Variants in PITRM1 observed in about 807,000 individuals in gnomAD.
PITRM1 encodes pitrilysin metallopeptidase 1.
Under a neutral mutation model 129.9 loss-of-function variants are expected in PITRM1, and 100 were observed. The observed-to-expected ratio is 0.77, with a 90% CI of 0.65 to 0.91. The LOEUF is 0.91. Among genes scored for constraint, PITRM1 ranks in the 40% least tolerant of loss-of-function variants. The probability of loss-of-function intolerance (pLI) is 0.00; values close to 1 mark genes in which losing one functional copy is unlikely to be tolerated. For missense variants in PITRM1, 1,471 were observed against 1,318.3 expected (o/e 1.12, Z -1.79); for synonymous variants, 591 against 508.8 (o/e 1.16, Z -2.17).
intron 7 of PITRM1, among the ~76,000 whole-genome samples, chr10:3,162,084 G>GGAGGCT (rs1842488159): frequency 6.6e-6 from 1 of 150,702 alleles, no homozygotes; most frequent in Non-Finnish European, 1.5e-5. Flanking sequence ...AGGTGGCCCA[G>GGAGGCT]GAGGCTGAGG....
At chr10:3,146,626 A>G (rs2132389305) in intron 20 of PITRM1, 1 of 152,756 alleles carries the variant, frequency 6.5e-6, no homozygotes, top group East Asian at 1.9e-4. Flanking sequence ...CTCTGTGTGA[A>G]GAAGGACAAG....
At chr10:3,171,441 A>G (rs1460632023) in intron 1 of PITRM1, among the ~76,000 whole-genome samples, 1 of 151,644 alleles carries the variant, frequency 6.6e-6, no homozygotes, top group African/African-American at 2.4e-5. Context: ...ACTTGGTCAC[A>G]GGGACACTAA....
Position 3,172,693 on chromosome 10 carries a change from G to C in PITRM1, c.56+24C>G, listed in dbSNP as rs927022476. The C allele has an allele frequency of 5.9e-6, 9 of 1,531,386 alleles. No homozygotes were observed. The Admixed American group carries it at 1.4e-4, about 24-fold the overall frequency. 94.9% of individuals were successfully genotyped at this position (1,531,386 alleles called of 1,614,324 possible). Reference sequence around the variant, plus strand: ...CCCCTCCCGGGTACCAGCGCGCCGAGCGCCTCCCGTCGCAGCGTCTCACCC... The same window carrying C: ...CCCCTCCCGGGTACCAGCGCGCCGACCGCCTCCCGTCGCAGCGTCTCACCC... On this transcript the variant is annotated intron_variant, in intron 1 of 26. Coordinates refer to ENST00000224949, the MANE Select transcript of PITRM1 (RefSeq NM_014889.4).
In PITRM1 at chr10:3,158,065, C is replaced by T. The variant is rs138864546; in HGVS notation, c.1225G>A (p.Asp409Asn). The change falls in exon 11 of 27, where the codon GAC becomes AAC. Residue 409 changes from aspartate (D) to asparagine (N), a missense_variant. Physicochemically the swap from Asp to Asn is conservative, Grantham distance 23 (BLOSUM62 1). Transcript: ENST00000224949. ...TCAACTACTTCATCAATCGTTCTGT[C>T]TATGAGGCTTCTGACGGTCTCAATG... Reference protein sequence around the residue: ...KDIETVRSLIDRTIDEVVEKG... With the variant: ...KDIETVRSLINRTIDEVVEKG... The T allele has an allele frequency of 5.0e-6, 8 of 1,608,090 alleles. No homozygotes were observed. Among genetic ancestry groups the T allele is most frequent in the Non-Finnish European group, 6.8e-6 (8 of 1,174,394 alleles).
In PITRM1 at chr10:3,160,209, T is replaced by C. The variant is rs1415505065; in HGVS notation, c.913A>G (p.Lys305Glu). The C allele has an allele frequency of 1.2e-6, 2 of 1,613,912 alleles. No individual in the cohort carries two copies. Among genetic ancestry groups the C allele is most frequent in the Admixed American group, 1.7e-5 (1 of 60,024 alleles). ...TVVPAQTPWD[K>E]PREFQITCGP... ...AAACACGGTGGGGCACTCACAGGCT[T>C]GTCCCAGGGTGTCTGAGCTGGCACC... The change falls in exon 8 of 27, where the codon AAG becomes GAG. Residue 305 changes from lysine to glutamate, a missense_variant. Transcript: ENST00000224949.
rs1841932761 is a variant in PITRM1, at chr10:3,155,856, A to G, written c.1483-127T>C. 1.0e-5 allele frequency: 11 copies of G among 1,057,934 alleles called. No individual in the cohort carries two copies. In the South Asian group the frequency reaches 1.8e-4, roughly 17 times the overall value. 65.5% of individuals were successfully genotyped at this position (1,057,934 alleles called of 1,614,324 possible). ...CCACTTTCCCACTTTAAAAATAGTA[A>G]TAATAGAACGCACCTCAAGAGTTGT... On this transcript the variant is annotated intron_variant, in intron 13 of 26. Transcript: ENST00000224949.
chr10:3,141,996 C>G (rs1237377804), intron 23 of PITRM1, among the ~76,000 whole-genome samples: 1 of 152,124 alleles, frequency 6.6e-6, no homozygotes, highest in Non-Finnish European at 1.5e-5. Flanking sequence ...TGAGAAATTT[C>G]TATTACTTGT....
chr10:3,157,772 G>A (rs1204618958), intron 11 of PITRM1, among the ~76,000 whole-genome samples: 1 of 152,202 alleles, frequency 6.6e-6, no homozygotes, highest in Admixed American at 6.5e-5. Context: ...GGTAGGGGAG[G>A]AAAATGCAGT....
chr10:3,141,803 AGGGG>A, intron 23 of PITRM1: 2 of 328,200 alleles, frequency 6.1e-6, no homozygotes, highest in Non-Finnish European at 6.5e-6. Context: ...GCGTGTTCCC[AGGGG>A]CTGTGGTGGG....
chr10:3,153,881 G>A (rs989905944), intron 14 of PITRM1, among the ~76,000 whole-genome samples: 7 of 152,148 alleles, frequency 4.6e-5, no homozygotes, highest in African/African-American at 1.7e-4. Flanking sequence ...TGTATGTGTT[G>A]CATCTATTTT....
intron 22 of PITRM1, chr10:3,144,024 C>A (rs1840562436): frequency 5.3e-6 from 3 of 566,974 alleles, no homozygotes; most frequent in Non-Finnish European, 6.3e-6. Context: ...GAGCAGTAGC[C>A]CTCTTCCTGG....
chr10:3,171,147 TAAAAAAA>T (rs1169315061), intron 1 of PITRM1, among the ~76,000 whole-genome samples: 5 of 49,168 alleles, frequency 1.0e-4, no homozygotes, highest in Non-Finnish European at 1.9e-4. Flanking sequence ...ATCGTTCAAT[TAAAAAAA>T]AAAAAAAAAA....
At chr10:3,139,335 G>T (rs1839949882) in intron 24 of PITRM1, among the ~76,000 whole-genome samples, 1 of 152,204 alleles carries the variant, frequency 6.6e-6, no homozygotes, top group African/African-American at 2.4e-5. Flanking sequence ...ATCAGGAGAG[G>T]AAAGTCAGTG....
chr10:3,158,489 G>A (rs527846712), intron 10 of PITRM1, among the ~76,000 whole-genome samples: 1 of 152,246 alleles, frequency 6.6e-6, no homozygotes, highest in East Asian at 1.9e-4. Flanking sequence ...GGTGGAGCTT[G>A]CAGTGAGCCG....
At chr10:3,158,658 T>C (rs2132461426) in intron 10 of PITRM1, among the ~76,000 whole-genome samples, 1 of 152,294 alleles carries the variant, frequency 6.6e-6, no homozygotes, top group East Asian at 1.9e-4. Context: ...TTTGGACAAA[T>C]GTCCCCTTGG....
Position 3,143,601 on chromosome 10 carries a change from C to T in PITRM1, c.2533-100G>A, listed in dbSNP as rs145424322. ...GGGGTCAGAGGCGGCTGTGCTCCCA[C>T]GCACTGCCCACGGCACTGGGACTGG... On this transcript the variant is annotated intron_variant, in intron 22 of 26. Coordinates refer to ENST00000224949, the MANE Select transcript of PITRM1 (RefSeq NM_014889.4). The T allele has an allele frequency of 1.3e-3, 1,053 of 800,284 alleles. 11 individuals carry two copies. In the African/African-American group the frequency reaches 0.016, roughly 12 times the overall value. The allele number at this position is 800,284 out of a possible 1,614,324, so 49.6% of individuals were successfully genotyped here.
chr10:3,138,462 G>C lies in PITRM1; in HGVS notation c.2918-125C>G, dbSNP rs1839815553. ...ATTTCACGTGCATGTTTCAACCACA[G>C]GGATGTGTCTAACAACCCAGAGATC... On this transcript the variant is annotated intron_variant, in intron 25 of 26. Coordinates refer to ENST00000224949, the MANE Select transcript of PITRM1 (RefSeq NM_014889.4). The C allele has an allele frequency of 8.5e-6, 6 of 709,630 alleles. No homozygotes were observed. The East Asian group carries it at 1.6e-4, about 19-fold the overall frequency. 44.0% of individuals were successfully genotyped at this position (709,630 alleles called of 1,614,324 possible). A position where few individuals can be genotyped will look rare whatever the true frequency, so the allele number is the denominator to read the frequency against.
At chr10:3,155,809 G>A in intron 13 of PITRM1, 80 bp from the exon 14 acceptor site, 2 of 1,511,812 alleles carry the variant, frequency 1.3e-6, no homozygotes. Flanking sequence ...GCTTCTGCTG[G>A]TGTGTTCTTG....
At chr10:3,168,836 G>A (rs191234649) in intron 2 of PITRM1, among the ~76,000 whole-genome samples, 3 of 151,682 alleles carry the variant, frequency 2.0e-5, no homozygotes, top group Non-Finnish European at 2.9e-5. Context: ...ATAGCAGTGT[G>A]AGACTAGACT....
Sources: allele counts gnomAD v4.1 joint callset (sites outside exome capture counted in the v4.1 genomes callset), GRCh38; gene constraint gnomAD v4.1.1; transcripts MANE v1.5; gene names NCBI Gene and HGNC (gene_info 2026-07-23, HGNC 2026-07-21).